ITSN2: variants seen among roughly 807,000 people sequenced by gnomAD.
ITSN2 encodes intersectin 2.
Under a neutral mutation model 243.7 loss-of-function variants are expected in ITSN2, and 156 were observed. That is an observed-to-expected ratio of 0.64 (90% CI 0.56 to 0.73). The LOEUF is 0.73. Among genes scored for constraint, ITSN2 ranks in the 30% least tolerant of loss-of-function variants. The probability of loss-of-function intolerance (pLI) is 0.00; values close to 1 mark genes in which losing one functional copy is unlikely to be tolerated. For synonymous variants in ITSN2, 703 were observed against 699.9 expected (o/e 1.00, Z -0.07); for missense variants, 1,801 against 1,996.1 (o/e 0.90, Z 1.86).
chr2:24,308,483 T>C, intron 8 of ITSN2, 134 bp downstream of exon 8: 1 of 503,160 alleles, frequency 2.0e-6, no homozygotes, highest in Non-Finnish European at 3.4e-6. Flanking sequence ...TTTGTATTTA[T>C]CAAATGCCTG....
chr2:24,216,176 C>G lies in ITSN2; in HGVS notation c.3863G>C (p.Gly1288Ala). Residue 1288 changes from glycine (G) to alanine (A), a missense_variant, in exon 32 of 40, where the codon GGG becomes GCG. By Grantham distance (60) the Gly-to-Ala change is moderately conservative. Transcript: ENST00000355123. ...GGACAGCTCAGCGGCCAGGATGTCC[C>G]CAATCATCTGCACCGGCATCTTCTC... ...GGEKMPVQMI[G>A]DILAAELSHM... is the part of the protein sequence containing the mutation. 6.2e-7 allele frequency: 1 copy of G among 1,611,778 alleles called. No individual in the cohort carries two copies. The highest frequency in any genetic ancestry group is 1.1e-5 in the South Asian group (1 of 90,712).
At chr2:24,359,950 G>A (rs932175936) in intron 1 of ITSN2, among the ~76,000 whole-genome samples, 8 of 152,122 alleles carry the variant, frequency 5.3e-5, no homozygotes, top group African/African-American at 1.9e-4. Flanking sequence ...CTCACACCCC[G>A]AAAGCGAGGG....
At chr2:24,312,618 T>G (rs1253124196) in intron 4 of ITSN2, among the ~76,000 whole-genome samples, 1 of 152,274 alleles carries the variant, frequency 6.6e-6, no homozygotes, top group East Asian at 1.9e-4. Context: ...CTAGAGACCT[T>G]TGGGCTGAAT....
At chr2:24,248,548 A>AT in intron 27 of ITSN2, 81 bp downstream of exon 27, 3 of 1,228,300 alleles carry the variant, frequency 2.4e-6, no homozygotes, top group Non-Finnish European at 2.2e-6. Context: ...TGATCTAAAA[A>AT]TTTTTATTAA....
At chr2:24,308,854 G>T in intron 7 of ITSN2, 98 bp from the exon 8 acceptor site, 1 of 813,534 alleles carries the variant, frequency 1.2e-6, no homozygotes, top group South Asian at 1.6e-5. Flanking sequence ...TATACCAGGG[G>T]TCCTGAACCC....
Position 24,261,667 on chromosome 2 carries a change from T to A in ITSN2, c.2431A>T (p.Asn811Tyr), listed in dbSNP as rs1675885459. ...CTTGATGGCATTTTTTCTACATAAT[T>A]GCATGGAAACCAGCCAAAATTTCCT... ...FQGNFGWFPC[N>Y]YVEKMPSSEN... Residue 811 changes from asparagine to tyrosine, a missense_variant, in exon 21 of 40, where the codon AAT becomes TAT. Around this residue, in one of 5 missense-constraint regions of ITSN2, gnomAD observed 7 missense variants for 20.0 expected, o/e 0.35. Transcript: ENST00000355123. 1 of 1,613,484 alleles carries A rather than the reference T, an allele frequency of 6.2e-7. No individual in the cohort carries two copies. The highest frequency in any genetic ancestry group is 8.5e-7 in the Non-Finnish European group (1 of 1,179,662).
chr2:24,248,058 A>T (rs1010975878), intron 27 of ITSN2, among the ~76,000 whole-genome samples: 1 of 152,324 alleles, frequency 6.6e-6, no homozygotes, highest in East Asian at 1.9e-4. Flanking sequence ...TTTAATCCCT[A>T]AAATGCTTTT....
At chr2:24,228,486 G>A (rs376771882) in intron 29 of ITSN2, among the ~76,000 whole-genome samples, 2 of 152,118 alleles carry the variant, frequency 1.3e-5, no homozygotes, top group African/African-American at 4.8e-5. Context: ...AAGTTGGCAG[G>A]TATAAATACA....
chr2:24,293,005 C>T (rs1680457785), intron 15 of ITSN2, among the ~76,000 whole-genome samples: 1 of 152,194 alleles, frequency 6.6e-6, no homozygotes, highest in Admixed American at 6.5e-5. Context: ...TCAGTTGTAA[C>T]ACAACATCTG....
At chr2:24,314,894 A>C (rs1008514665) in intron 3 of ITSN2, among the ~76,000 whole-genome samples, 2 of 152,248 alleles carry the variant, frequency 1.3e-5, no homozygotes, top group African/African-American at 4.8e-5. Flanking sequence ...ACAATTACAC[A>C]GAAATTCTTG....
intron 22 of ITSN2, among the ~76,000 whole-genome samples, chr2:24,259,405 GGTT>G (rs1675514944): frequency 1.3e-5 from 2 of 152,054 alleles, no homozygotes; most frequent in South Asian, 4.2e-4. Flanking sequence ...TTCCTTAACT[GGTT>G]GTTTTCTTCT....
intron 1 of ITSN2, among the ~76,000 whole-genome samples, chr2:24,342,267 G>A (rs188134571): frequency 4.6e-5 from 7 of 151,860 alleles, no homozygotes; most frequent in Non-Finnish European, 1.0e-4. Context: ...GCATAATCAC[G>A]GTGCACTGCA....
chr2:24,214,560 A>AT (rs559977529), intron 32 of ITSN2: 53 of 152,288 alleles, frequency 3.5e-4, no homozygotes, highest in African/African-American at 1.3e-3. Context: ...ATGTTTTCAC[A>AT]TTTGTTAGCA....
intron 17 of ITSN2, among the ~76,000 whole-genome samples, chr2:24,276,322 G>A (rs1424363113): frequency 1.3e-5 from 2 of 152,186 alleles, no homozygotes; most frequent in Non-Finnish European, 2.9e-5. Context: ...TGGAAAAGAT[G>A]TCTGCCTAAA....
At chr2:24,224,758 G>A (rs1261255799) in intron 29 of ITSN2, among the ~76,000 whole-genome samples, 2 of 151,800 alleles carry the variant, frequency 1.3e-5, no homozygotes, top group Admixed American at 6.6e-5. Flanking sequence ...CTCAGTCTCC[G>A]AGTAGCTGGA....
intron 20 of ITSN2, among the ~76,000 whole-genome samples, chr2:24,265,778 T>C (rs768401830): frequency 6.6e-6 from 1 of 152,250 alleles, no homozygotes; most frequent in East Asian, 1.9e-4. Context: ...CAAATAGTTA[T>C]ATGACATTCT....
At chr2:24,342,806 G>T (rs1043305263) in intron 1 of ITSN2, among the ~76,000 whole-genome samples, 27 of 151,926 alleles carry the variant, frequency 1.8e-4, no homozygotes, top group South Asian at 2.1e-4. Context: ...ATAGTGAAGG[G>T]CTGGCCTGGC....
chr2:24,296,868 G>C (rs148608272), intron 13 of ITSN2, among the ~76,000 whole-genome samples: 1 of 152,284 alleles, frequency 6.6e-6, no homozygotes, highest in Non-Finnish European at 1.5e-5. Flanking sequence ...AGGAACATGT[G>C]TATCTCTGCT....
At chr2:24,304,296 C>G (rs940634510) in intron 8 of ITSN2, among the ~76,000 whole-genome samples, 12 of 152,188 alleles carry the variant, frequency 7.9e-5, no homozygotes, top group Admixed American at 6.5e-5. Flanking sequence ...CTGTCCAAAA[C>G]AACTCTTACA....
Sources: allele counts gnomAD v4.1 joint callset (sites outside exome capture counted in the v4.1 genomes callset), GRCh38; gene constraint gnomAD v4.1.1; regional missense constraint gnomAD v4.1.1; transcripts MANE v1.5; gene names NCBI Gene and HGNC (gene_info 2026-07-23, HGNC 2026-07-21).